The following TRIM44 variants were observed in gnomAD, a reference collection of about 807,000 sequenced individuals.
TRIM44 encodes tripartite motif containing 44.
TRIM44 carries 13 observed loss-of-function variants against 37.4 expected under a neutral mutation model. The ratio of observed to expected loss-of-function variants is 0.35; its 90% CI spans 0.23 to 0.55. The LOEUF (loss-of-function observed/expected upper bound fraction) is 0.55. TRIM44 is among the 20% of genes least tolerant of loss of function. The probability of loss-of-function intolerance (pLI) is 0.89; values close to 1 mark genes in which losing one functional copy is unlikely to be tolerated. For missense variants in TRIM44, 426 were observed against 437.2 expected, an observed-to-expected ratio of 0.97 and a Z score of 0.23; for synonymous variants, 175 against 157.2, an observed-to-expected ratio of 1.11 and a Z score of -0.85.
intron 4 of TRIM44, among the ~76,000 whole-genome samples, chr11:35,750,653 C>A (rs534730467): frequency 1.3e-5 from 2 of 152,292 alleles, no homozygotes; most frequent in African/African-American, 4.8e-5. Context: ...TCAAGATATA[C>A]TATGATGCAT....
intron 4 of TRIM44, among the ~76,000 whole-genome samples, chr11:35,771,121 A>G (rs1418221758): frequency 6.6e-6 from 1 of 152,192 alleles, no homozygotes; most frequent in African/African-American, 2.4e-5. Context: ...TGGAGGGCTC[A>G]CAAGAAGACA....
At chr11:35,691,674 T>C (rs191119740) in intron 2 of TRIM44, among the ~76,000 whole-genome samples, 22 of 152,342 alleles carry the variant, frequency 1.4e-4, no homozygotes, top group Admixed American at 1.2e-3. Context: ...AGACAGAGTC[T>C]TGCTGTGTTG....
At chr11:35,706,341 T>G (rs186556626) in intron 2 of TRIM44, among the ~76,000 whole-genome samples, 2 of 151,622 alleles carry the variant, frequency 1.3e-5, no homozygotes, top group African/African-American at 4.8e-5. Context: ...GTACAAGGAG[T>G]AAATGGTACC....
intron 4 of TRIM44, 33 bp from the exon 5 acceptor site, chr11:35,806,325 C>G (rs749691696): frequency 6.2e-7 from 1 of 1,613,380 alleles, no homozygotes; most frequent in Non-Finnish European, 8.5e-7. Flanking sequence ...CTTGTGATAT[C>G]TTAACTCACC....
rs1255263221 is a variant in TRIM44 at position 35,801,981 on chromosome 11, T to TGACA, written c.1008-4376_1008-4373dup. 4.0e-5 allele frequency among the ~76,000 whole-genome samples: 6 copies of TGACA among 151,770 alleles called. No individual in the cohort carries two copies. The East Asian group carries it at 1.2e-3, about 29-fold the overall frequency. ...AAATCGTTGCTAAGGGTGTGCTCAC[T>TGACA]GACATATTGTGTAGTTTATATGAGT... On this transcript the variant is annotated intron_variant, in intron 4 of 4. Coordinates refer to ENST00000299413, the MANE Select transcript of TRIM44 (RefSeq NM_017583.6).
intron 1 of TRIM44, among the ~76,000 whole-genome samples, chr11:35,674,598 G>A (rs1290299625): frequency 6.6e-6 from 1 of 152,150 alleles, no homozygotes; most frequent in African/African-American, 2.4e-5. Flanking sequence ...AAGAAGATTA[G>A]CAAATACATT....
At chr11:35,770,824 G>A (rs1397713208) in intron 4 of TRIM44, among the ~76,000 whole-genome samples, 2 of 152,172 alleles carry the variant, frequency 1.3e-5, no homozygotes, top group Non-Finnish European at 2.9e-5. Flanking sequence ...TGTTCTTGTG[G>A]TAGCGAATAA....
chr11:35,716,788 C>T (rs1852044017), intron 2 of TRIM44, among the ~76,000 whole-genome samples: 1 of 152,092 alleles, frequency 6.6e-6, no homozygotes, highest in South Asian at 2.1e-4. Context: ...AATGTTGGGT[C>T]AGAAGGCAGA....
At chr11:35,794,350 G>A (rs1441225657) in intron 4 of TRIM44, among the ~76,000 whole-genome samples, 1 of 152,224 alleles carries the variant, frequency 6.6e-6, no homozygotes, top group Non-Finnish European at 1.5e-5. Context: ...GCTGGGTTGT[G>A]GAGAGTTAGA....
rs1590517908 is a variant in TRIM44, at chr11:35,699,402, A to C, written c.747+14066A>C. Among the ~76,000 whole-genome samples the C allele has an allele frequency of 3.9e-5, 6 of 152,048 alleles. No individual in the cohort carries two copies. The South Asian group carries it at 1.2e-3, about 32-fold the overall frequency. ...AAAAGACCTTTGACAAAATTCAACA[A>C]CCCTTCATGCTGAAAACTCTCAATA... On this transcript the variant is annotated intron_variant, in intron 2 of 4. Transcript: ENST00000299413.
At chr11:35,673,996 T>C (rs867204682) in intron 1 of TRIM44, among the ~76,000 whole-genome samples, 12 of 151,988 alleles carry the variant, frequency 7.9e-5, no homozygotes, top group Non-Finnish European at 1.2e-4. Flanking sequence ...ACCAGCCGAG[T>C]TTCCTGTTCT....
intron 4 of TRIM44, among the ~76,000 whole-genome samples, chr11:35,740,405 G>A (rs1852381699): frequency 6.6e-6 from 1 of 152,170 alleles, no homozygotes; most frequent in South Asian, 2.1e-4. Flanking sequence ...AGGAGAAGGA[G>A]GAAGATCAGG....
intron 4 of TRIM44, among the ~76,000 whole-genome samples, chr11:35,775,758 A>G (rs983353383): frequency 6.6e-5 from 10 of 152,126 alleles, no homozygotes; most frequent in Non-Finnish European, 1.3e-4. Flanking sequence ...TGCTGTTTAT[A>G]TGCTGGATTA....
chr11:35,816,704 A>G lies in TRIM44; in HGVS notation c.*10319A>G, dbSNP rs1308587228. On this transcript the variant is annotated 3_prime_UTR_variant, in exon 5 of 5. Transcript: ENST00000299413. ...AAGCTTGCTCCTGATACTAGGTTTT[A>G]GAAGCATACAGACTTGGTTTTAGTA... 1 of 152,236 alleles carries G rather than the reference A, an allele frequency of 6.6e-6. No individual in the cohort carries two copies. The highest frequency in any genetic ancestry group is 1.5e-5 in the Non-Finnish European group (1 of 68,052). The allele number at this position is 152,236 out of a possible 1,614,324, so 9.4% of individuals were successfully genotyped here.
chr11:35,780,122 GT>G (rs888977605), intron 4 of TRIM44, among the ~76,000 whole-genome samples: 6 of 151,400 alleles, frequency 4.0e-5, no homozygotes, highest in South Asian at 2.1e-4. Flanking sequence ...TTTTAGAATA[GT>G]TTTTTTTTAA....
chr11:35,685,601 G>A (rs115777245), intron 2 of TRIM44, among the ~76,000 whole-genome samples: 205 of 152,236 alleles, frequency 1.3e-3, no homozygotes, highest in African/African-American at 4.4e-3. Context: ...TTTACCAGGG[G>A]TCTTTGAATC....
intron 1 of TRIM44, among the ~76,000 whole-genome samples, chr11:35,671,392 A>G (rs1851391881): frequency 6.6e-6 from 1 of 152,206 alleles, no homozygotes; most frequent in East Asian, 1.9e-4. Flanking sequence ...GTGAGAATGA[A>G]ATGACTTTGT....
In TRIM44 at chr11:35,726,180, T is replaced by G. The variant is rs1344924270; in HGVS notation, c.987+17T>G. ...AAGGCAGAGGTAAAGGAAAAGCCCA[T>G]AATTATTAGTAGCAAGAGAAATAGG... On this transcript the variant is annotated intron_variant, in intron 3 of 4. Coordinates refer to ENST00000299413, the MANE Select transcript of TRIM44 (RefSeq NM_017583.6). The G allele has an allele frequency of 6.2e-7, 1 of 1,610,106 alleles. No individual in the cohort carries two copies. Among genetic ancestry groups the G allele is most frequent in the Admixed American group, 1.7e-5 (1 of 59,756 alleles).
intron 2 of TRIM44, among the ~76,000 whole-genome samples, chr11:35,698,121 T>G (rs1230417615): frequency 1.3e-5 from 2 of 151,646 alleles, no homozygotes; most frequent in African/African-American, 4.9e-5. Flanking sequence ...ACCTGTTGTT[T>G]CCTGACTTTT....
Sources: allele counts gnomAD v4.1 joint callset (sites outside exome capture counted in the v4.1 genomes callset), GRCh38; gene constraint gnomAD v4.1.1; transcripts MANE v1.5; gene names NCBI Gene and HGNC (gene_info 2026-07-23, HGNC 2026-07-21).